The following SSBP2 variants were observed in gnomAD, a reference collection of about 807,000 sequenced individuals.
SSBP2 encodes single stranded DNA binding protein 2, also known as single-stranded DNA-binding protein 2.
A neutral mutation model predicts 61.8 loss-of-function variants in SSBP2; 17 were observed. The observed-to-expected ratio is 0.28, with a 90% CI of 0.19 to 0.41. The LOEUF is 0.41. Ranked by LOEUF, SSBP2 falls within the 10% of genes least tolerant of loss-of-function variation. SSBP2 has a pLI of 1.00. For synonymous variants in SSBP2, 139 were observed against 141.3 expected, an observed-to-expected ratio of 0.98 and a Z score of 0.12; for missense variants, 310 against 458.7, an observed-to-expected ratio of 0.68 and a Z score of 2.96.
At chr5:81,605,406 CTTTCT>C (rs946903567) in intron 4 of SSBP2, among the ~76,000 whole-genome samples, 23 of 152,238 alleles carry the variant, frequency 1.5e-4, no homozygotes, top group African/African-American at 4.6e-4. Context: ...TCCTAAATTT[CTTTCT>C]TTTAACAATC....
upstream of SSBP2, among the ~76,000 whole-genome samples, chr5:81,751,506 C>T (rs1422889273): frequency 6.6e-6 from 1 of 152,172 alleles, no homozygotes; most frequent in Non-Finnish European, 1.5e-5. Flanking sequence ...GAAACTGCGG[C>T]CTGGAGTCTC....
intron 1 of SSBP2, among the ~76,000 whole-genome samples, chr5:81,706,910 A>G (rs1411699857): frequency 2.0e-5 from 3 of 152,222 alleles, no homozygotes; most frequent in Non-Finnish European, 4.4e-5. Flanking sequence ...GAGGTGACAC[A>G]CAGACTTACT....
At chr5:81,629,712 G>A (rs1015149949) in intron 3 of SSBP2, among the ~76,000 whole-genome samples, 1 of 152,108 alleles carries the variant, frequency 6.6e-6, no homozygotes, top group Non-Finnish European at 1.5e-5. Flanking sequence ...ATAGAGGTAT[G>A]GTTGACAAAT....
intron 1 of SSBP2, among the ~76,000 whole-genome samples, chr5:81,668,878 T>G (rs1581299664): frequency 6.6e-6 from 1 of 152,140 alleles, no homozygotes; most frequent in Non-Finnish European, 1.5e-5. Flanking sequence ...AAAGGAATAA[T>G]TTTAGCCAAG....
chr5:81,467,166 A>C, intron 8 of SSBP2, 101 bp from the exon 9 acceptor site: 1 of 635,524 alleles, frequency 1.6e-6, no homozygotes, highest in South Asian at 3.1e-5. Context: ...AGGCCTGTGT[A>C]ATTCATTCTC....
intron 4 of SSBP2, among the ~76,000 whole-genome samples, chr5:81,569,957 TG>T (rs1168192389): frequency 6.6e-6 from 1 of 152,174 alleles, no homozygotes; most frequent in African/African-American, 2.4e-5. Flanking sequence ...GTATCACCCT[TG>T]ACTGGCTAGT....
At chr5:81,592,269 C>G (rs1289899558) in intron 4 of SSBP2, among the ~76,000 whole-genome samples, 1 of 152,228 alleles carries the variant, frequency 6.6e-6, no homozygotes, top group Non-Finnish European at 1.5e-5. Flanking sequence ...AACTGCAAGG[C>G]AGCAGCGAGG....
chr5:81,543,323 A>C (rs1167555626), intron 4 of SSBP2, among the ~76,000 whole-genome samples: 1 of 152,222 alleles, frequency 6.6e-6, no homozygotes, highest in Non-Finnish European at 1.5e-5. Flanking sequence ...TAGCAGTCTA[A>C]GAACAGACTA....
At chr5:81,701,153 A>C (rs1288837179) in intron 1 of SSBP2, among the ~76,000 whole-genome samples, 2 of 152,160 alleles carry the variant, frequency 1.3e-5, no homozygotes, top group African/African-American at 4.8e-5. Context: ...TCACTTGAAC[A>C]CTTAGAGGCC....
intron 4 of SSBP2, among the ~76,000 whole-genome samples, chr5:81,594,306 T>G (rs534557900): frequency 6.6e-6 from 1 of 152,132 alleles, no homozygotes; most frequent in African/African-American, 2.4e-5. Flanking sequence ...CCTAAATATA[T>G]AGGCACCCAA....
chr5:81,683,844 A>C (rs1752580484), intron 1 of SSBP2, among the ~76,000 whole-genome samples: 1 of 152,226 alleles, frequency 6.6e-6, no homozygotes, highest in Non-Finnish European at 1.5e-5. Flanking sequence ...GCAAGTAAGC[A>C]TACAAAAAGA....
chr5:81,573,967 T>C lies in SSBP2; in HGVS notation c.282+41506A>G, dbSNP rs562247015. Among the ~76,000 whole-genome samples, 232 of 152,020 alleles carry C rather than the reference T, an allele frequency of 1.5e-3. 1 individual carries two copies. The highest frequency in any genetic ancestry group is 5.3e-3 in the African/African-American group (219 of 41,470). ...CATCCTGGCTAACATGGTGAAACCC[T>C]GTCTCTACTGAAAAACAGAAAAAAT... is the stretch of plus-strand genomic sequence containing the variant. On this transcript the variant is annotated intron_variant, in intron 4 of 16. Coordinates refer to ENST00000320672, the MANE Select transcript of SSBP2 (RefSeq NM_012446.5).
intron 6 of SSBP2, among the ~76,000 whole-genome samples, chr5:81,486,133 A>G (rs1292559212): frequency 1.3e-5 from 2 of 152,150 alleles, no homozygotes; most frequent in African/African-American, 2.4e-5. Flanking sequence ...GAAGAGTACA[A>G]TTGTTTTAAA....
At chr5:81,592,496 G>A (rs1011152148) in intron 4 of SSBP2, among the ~76,000 whole-genome samples, 1 of 152,172 alleles carries the variant, frequency 6.6e-6, no homozygotes, top group Non-Finnish European at 1.5e-5. Flanking sequence ...GAGAGTAGTG[G>A]TTCTCCCAGC....
intron 4 of SSBP2, among the ~76,000 whole-genome samples, chr5:81,526,537 T>C (rs1024837112): frequency 6.6e-6 from 1 of 152,014 alleles, no homozygotes; most frequent in African/African-American, 2.4e-5. Flanking sequence ...TAACATATTT[T>C]GAAGTAAAAA....
At chr5:81,583,596 C>T (rs958978853) in intron 4 of SSBP2, among the ~76,000 whole-genome samples, 4 of 149,690 alleles carry the variant, frequency 2.7e-5, no homozygotes, top group Admixed American at 2.0e-4. Context: ...CGCCACTGCA[C>T]TCCAGCCTGG....
chr5:81,505,599 T>A (rs1768123003), intron 5 of SSBP2, among the ~76,000 whole-genome samples: 1 of 152,216 alleles, frequency 6.6e-6, no homozygotes, highest in African/African-American at 2.4e-5. Context: ...AAATTTTTTT[T>A]ATCAAGAAAT....
chr5:81,449,986 CTT>C (rs1763661785), intron 10 of SSBP2, among the ~76,000 whole-genome samples: 1 of 152,084 alleles, frequency 6.6e-6, no homozygotes, highest in East Asian at 1.9e-4. Context: ...ACTTTGCTCT[CTT>C]GGGTCCCTTT....
chr5:81,635,165 C>T (rs1285688314), intron 3 of SSBP2, among the ~76,000 whole-genome samples: 2 of 151,918 alleles, frequency 1.3e-5, no homozygotes, highest in African/African-American at 2.4e-5. Flanking sequence ...GATACCACTA[C>T]CATGTGGCAG....
Sources: allele counts gnomAD v4.1 joint callset (sites outside exome capture counted in the v4.1 genomes callset), GRCh38; gene constraint gnomAD v4.1.1; transcripts MANE v1.5; gene names NCBI Gene and HGNC (gene_info 2026-07-23, HGNC 2026-07-21).